Variants in DLG2 observed in about 807,000 individuals in gnomAD.
DLG2 encodes the protein disks large homolog 2.
In DLG2, 45 loss-of-function variants were observed where a neutral mutation model predicts 132.5. The ratio of observed to expected loss-of-function variants is 0.34; its 90% CI spans 0.27 to 0.44. The LOEUF is 0.44. Among genes scored for constraint, DLG2 ranks in the 20% least tolerant of loss-of-function variants. The probability of loss-of-function intolerance (pLI) is 1.00; values close to 1 mark genes in which losing one functional copy is unlikely to be tolerated. For missense variants in DLG2, 1,045 were observed against 1,196.9 expected (o/e 0.87, Z 1.87); for synonymous variants, 424 against 419.6 (o/e 1.01, Z -0.13).
intron 2 of DLG2, among the ~76,000 whole-genome samples, chr11:85,612,924 C>T (rs2081099773): frequency 6.6e-6 from 1 of 152,172 alleles, no homozygotes; most frequent in Admixed American, 6.5e-5. Flanking sequence ...GACTCTTTGG[C>T]AGCAGTGACT....
At chr11:85,616,079 T>C (rs909018352) in intron 2 of DLG2, among the ~76,000 whole-genome samples, 1 of 152,186 alleles carries the variant, frequency 6.6e-6, no homozygotes, top group Non-Finnish European at 1.5e-5. Context: ...CTCTATCTGT[T>C]GATTTGCTTA....
rs547860768 is a variant in DLG2, at chr11:85,514,855, T to C, written c.40+83802A>G. 5.3e-5 allele frequency among the ~76,000 whole-genome samples: 8 copies of C among 152,032 alleles called. 1 individual carries two copies. Among genetic ancestry groups the C allele is most frequent in the African/African-American group, 1.4e-4 (6 of 41,558 alleles). Reference sequence around the variant, plus strand: ...TTTCATATTGGGCTCTCTGGAAATATATACTTTTGCTGTACACCAATAATC... The same window carrying C: ...TTTCATATTGGGCTCTCTGGAAATACATACTTTTGCTGTACACCAATAATC... On this transcript the variant is annotated intron_variant, in intron 3 of 27. Transcript: ENST00000376104.
At chr11:84,873,553 G>A (rs1210264998) in intron 6 of DLG2, among the ~76,000 whole-genome samples, 2 of 152,220 alleles carry the variant, frequency 1.3e-5, no homozygotes, top group East Asian at 1.9e-4. Flanking sequence ...AAGCATGTAA[G>A]TAAGTAAGCA....
intron 18 of DLG2, among the ~76,000 whole-genome samples, chr11:83,705,361 G>A (rs1321363419): frequency 1.3e-5 from 2 of 152,082 alleles, no homozygotes; most frequent in East Asian, 3.8e-4. Context: ...CTGAATATCT[G>A]AATTTTCCAT....
At chr11:84,584,905 G>A (rs991997031) in intron 6 of DLG2, among the ~76,000 whole-genome samples, 1 of 149,870 alleles carries the variant, frequency 6.7e-6, no homozygotes, top group Non-Finnish European at 1.5e-5. Flanking sequence ...AGTCGGGATG[G>A]TCTCGATCTC....
chr11:85,596,685 A>T (rs1409894448), intron 3 of DLG2, among the ~76,000 whole-genome samples: 1 of 152,160 alleles, frequency 6.6e-6, no homozygotes, highest in Non-Finnish European at 1.5e-5. Flanking sequence ...GTTCAAACAG[A>T]ATGCAAATTA....
At chr11:85,299,591 C>G (rs2079455837) in intron 3 of DLG2, among the ~76,000 whole-genome samples, 1 of 152,062 alleles carries the variant, frequency 6.6e-6, no homozygotes, top group African/African-American at 2.4e-5. Context: ...GTTTTATTTC[C>G]CTACATGTAA....
chr11:83,899,549 C>T (rs1370556845), intron 15 of DLG2, among the ~76,000 whole-genome samples: 3 of 152,144 alleles, frequency 2.0e-5, no homozygotes, highest in African/African-American at 7.2e-5. Flanking sequence ...TTTCCCATGC[C>T]TTTCTCATGA....
chr11:83,616,498 A>AT (rs1555251287), intron 19 of DLG2, among the ~76,000 whole-genome samples: 8 of 97,432 alleles, frequency 8.2e-5, no homozygotes, highest in African/African-American at 3.3e-4. Context: ...TTAAAAAAAA[A>AT]TGTTTTTTTT....
At chr11:83,810,619 T>C (rs2047017729) in intron 17 of DLG2, among the ~76,000 whole-genome samples, 1 of 152,092 alleles carries the variant, frequency 6.6e-6, no homozygotes, top group African/African-American at 2.4e-5. Context: ...GGTATTCCAT[T>C]CGGAGTTATG....
In DLG2 at chr11:84,550,322, T is replaced by C. The variant is rs571085551; in HGVS notation, c.358-15591A>G. Among the ~76,000 whole-genome samples the C allele has an allele frequency of 2.3e-3, 352 of 152,252 alleles. 3 individuals are homozygous for C. Among genetic ancestry groups the C allele is most frequent in the African/African-American group, 7.9e-3 (330 of 41,548 alleles). ...AAGGCCTTGCTGCCACTTCTCTTGA[T>C]CCAGTGCCTTTTCTGTATGTGAGGC... On this transcript the variant is annotated intron_variant, in intron 6 of 27. Transcript: ENST00000376104.
chr11:84,066,814 A>T (rs1228699522), intron 10 of DLG2, among the ~76,000 whole-genome samples: 3 of 152,118 alleles, frequency 2.0e-5, no homozygotes, highest in Non-Finnish European at 4.4e-5. Context: ...GGTCTGAAAC[A>T]ACTTTGCAGC....
At chr11:85,518,455 T>C (rs2094212741) in intron 3 of DLG2, among the ~76,000 whole-genome samples, 1 of 152,080 alleles carries the variant, frequency 6.6e-6, no homozygotes, top group Admixed American at 6.5e-5. Flanking sequence ...ACTTTCAACT[T>C]AAGAGAGATG....
rs138244121 is a variant in DLG2, at chr11:83,935,343, T to C, written c.1341-4860A>G. Among the ~76,000 whole-genome samples the C allele has an allele frequency of 5.7e-3, 871 of 152,268 alleles. 4 individuals are homozygous for C. The highest frequency in any genetic ancestry group is 0.037 in the Middle Eastern group (11 of 294). On this transcript the variant is annotated intron_variant, in intron 14 of 27. Transcript: ENST00000376104. ...ATTCCAGTCCTGGGCTAATAGCTCT[T>C]AAGGGTGGGATTTTGGGAAGCCCTA...
chr11:84,565,956 TGAA>T (rs2099452760), intron 6 of DLG2, among the ~76,000 whole-genome samples: 1 of 144,482 alleles, frequency 6.9e-6, no homozygotes, highest in Non-Finnish European at 1.5e-5. Flanking sequence ...TTTCATATGA[TGAA>T]GTTTTTTTTT....
At chr11:85,177,962 GA>G (rs1379094504) in intron 4 of DLG2, among the ~76,000 whole-genome samples, 1 of 151,834 alleles carries the variant, frequency 6.6e-6, no homozygotes, top group Admixed American at 6.6e-5. Flanking sequence ...TATATTTGGG[GA>G]AAAAAATAAA....
chr11:83,673,343 G>A (rs892677430), intron 18 of DLG2, among the ~76,000 whole-genome samples: 1 of 152,102 alleles, frequency 6.6e-6, no homozygotes, highest in African/African-American at 2.4e-5. Context: ...CATTTTGACT[G>A]TGTTTTATTG....
intron 6 of DLG2, among the ~76,000 whole-genome samples, chr11:84,707,465 G>A (rs745721304): frequency 4.6e-4 from 70 of 151,854 alleles, no homozygotes; most frequent in Non-Finnish European, 6.3e-4. Flanking sequence ...GAAGTATCAA[G>A]GTAATATCCA....
intron 6 of DLG2, among the ~76,000 whole-genome samples, chr11:84,800,910 T>C (rs549357685): frequency 6.6e-6 from 1 of 152,300 alleles, no homozygotes; most frequent in South Asian, 2.1e-4. Flanking sequence ...ATTTATAAAA[T>C]CCATGATTTC....
Sources: allele counts gnomAD v4.1 joint callset (sites outside exome capture counted in the v4.1 genomes callset), GRCh38; gene constraint gnomAD v4.1.1; transcripts MANE v1.5; gene names NCBI Gene and HGNC (gene_info 2026-07-23, HGNC 2026-07-21).